The following RIMS2 variants were observed in gnomAD, a reference collection of about 807,000 sequenced individuals.
RIMS2 encodes regulating synaptic membrane exocytosis 2.
In RIMS2, 59 loss-of-function variants were observed where a neutral mutation model predicts 174.4. The observed-to-expected ratio is 0.34, with a 90% CI of 0.27 to 0.42. The LOEUF (loss-of-function observed/expected upper bound fraction) is 0.42. Among genes scored for constraint, RIMS2 ranks in the 10% least tolerant of loss-of-function variants. The probability of loss-of-function intolerance (pLI) is 1.00; values close to 1 mark genes in which losing one functional copy is unlikely to be tolerated. For missense variants in RIMS2, 1,620 were observed against 1,666.3 expected (o/e 0.97, Z 0.48); for synonymous variants, 606 against 572.5 (o/e 1.06, Z -0.84).
chr8:103,618,869 C>G (rs751291633), intron 1 of RIMS2, among the ~76,000 whole-genome samples: 2 of 152,078 alleles, frequency 1.3e-5, no homozygotes, highest in African/African-American at 2.4e-5. Context: ...TATTTTCACT[C>G]GTGGTTGCTA....
rs1160101436 is a variant in RIMS2 at position 103,569,731 on chromosome 8, A to G, written c.176+68669A>G. Among the ~76,000 whole-genome samples, 7 of 151,216 alleles carry G rather than the reference A, an allele frequency of 4.6e-5. No individual in the cohort carries two copies. In the East Asian group the frequency reaches 1.4e-3, roughly 29 times the overall value. ...TCCTGGGCTCAAACAATCTTCCTAC[A>G]TCTGCCTCCTGAGTAGCTAGGACTA... On this transcript the variant is annotated intron_variant, in intron 1 of 23. Coordinates refer to ENST00000504942, the Ensembl canonical transcript of RIMS2.
chr8:103,779,093 T>C (rs1357545697), intron 3 of RIMS2, among the ~76,000 whole-genome samples: 1 of 152,208 alleles, frequency 6.6e-6, no homozygotes, highest in East Asian at 1.9e-4. Flanking sequence ...TAAATTGGAT[T>C]AGTTGGTTTT....
intron 2 of RIMS2, among the ~76,000 whole-genome samples, chr8:103,733,319 T>A (rs2097635080): frequency 6.6e-6 from 1 of 152,000 alleles, no homozygotes; most frequent in Non-Finnish European, 1.5e-5. Context: ...CAAATCCTTT[T>A]TACTCTTCCA....
intron 17 of RIMS2, among the ~76,000 whole-genome samples, chr8:103,990,819 A>C (rs1172468373): frequency 6.6e-6 from 1 of 152,024 alleles, no homozygotes; most frequent in African/African-American, 2.4e-5. Flanking sequence ...GTAAAGTTTT[A>C]TTTTAATGAA....
chr8:103,936,339 A>G (rs1024384957), intron 12 of RIMS2, among the ~76,000 whole-genome samples: 1 of 152,152 alleles, frequency 6.6e-6, no homozygotes, highest in Non-Finnish European at 1.5e-5. Context: ...CATTTATTGA[A>G]ACATTGCTAT....
At chr8:103,653,801 A>G (rs925566139) in intron 1 of RIMS2, among the ~76,000 whole-genome samples, 8 of 152,096 alleles carry the variant, frequency 5.3e-5, no homozygotes, top group Admixed American at 2.0e-4. Flanking sequence ...CTAATAGTTA[A>G]TATGTAGTTC....
At chr8:103,783,742 C>T (rs1329216120) in intron 3 of RIMS2, among the ~76,000 whole-genome samples, 2 of 151,396 alleles carry the variant, frequency 1.3e-5, no homozygotes, top group Non-Finnish European at 2.9e-5. Flanking sequence ...GTGCATGTGT[C>T]TTTATAGCAG....
chr8:103,824,539 C>T (rs916202571), intron 3 of RIMS2, among the ~76,000 whole-genome samples: 3 of 152,102 alleles, frequency 2.0e-5, no homozygotes, highest in Admixed American at 6.6e-5. Flanking sequence ...ACCCATTGCA[C>T]GTTAAAAATT....
chr8:103,875,345 GAGTAAGAACATACA>G (rs1244849154), intron 3 of RIMS2, among the ~76,000 whole-genome samples: 1 of 151,832 alleles, frequency 6.6e-6, no homozygotes, highest in African/African-American at 2.4e-5. Flanking sequence ...TCCCACTTAT[GAGTAAGAACATACA>G]ATATTTGGTT....
At chr8:103,772,137 T>G (rs2098260445) in intron 3 of RIMS2, among the ~76,000 whole-genome samples, 1 of 151,964 alleles carries the variant, frequency 6.6e-6, no homozygotes, top group African/African-American at 2.4e-5. Flanking sequence ...CTGCTTCTAG[T>G]ACAAATGGAA....
intron 2 of RIMS2, among the ~76,000 whole-genome samples, chr8:103,709,502 A>G (rs1590851466): frequency 6.6e-6 from 1 of 152,074 alleles, no homozygotes; most frequent in East Asian, 1.9e-4. Flanking sequence ...ATACTTTTAC[A>G]CATTCTTTGA....
intron 1 of RIMS2, among the ~76,000 whole-genome samples, chr8:103,561,075 C>T (rs907699293): frequency 6.6e-6 from 1 of 152,262 alleles, no homozygotes; most frequent in African/African-American, 2.4e-5. Flanking sequence ...AATAATTGGT[C>T]ATGAGCTTTT....
chr8:104,228,579 A>G (rs2099204482), intron 19 of RIMS2, among the ~76,000 whole-genome samples: 1 of 152,188 alleles, frequency 6.6e-6, no homozygotes. Context: ...AATAATTAAC[A>G]GTATATAGTT....
chr8:103,887,605 AC>A (rs902134402), intron 4 of RIMS2, among the ~76,000 whole-genome samples: 1 of 150,912 alleles, frequency 6.6e-6, no homozygotes, highest in African/African-American at 2.4e-5. Context: ...CCAACCTCCT[AC>A]CCCCAATTTC....
intron 19 of RIMS2, among the ~76,000 whole-genome samples, chr8:104,024,011 G>T (rs1358256076): frequency 6.6e-6 from 1 of 152,174 alleles, no homozygotes; most frequent in Non-Finnish European, 1.5e-5. Flanking sequence ...AGCAGTTTCA[G>T]TGGAGTGATA....
chr8:103,718,481 G>A (rs1336583536), intron 2 of RIMS2, among the ~76,000 whole-genome samples: 1 of 152,136 alleles, frequency 6.6e-6, no homozygotes, highest in African/African-American at 2.4e-5. Context: ...GGCCATGATG[G>A]TAAGATTTGT....
intron 19 of RIMS2, among the ~76,000 whole-genome samples, chr8:104,043,201 G>A (rs1201193135): frequency 4.6e-5 from 7 of 150,764 alleles, no homozygotes. Context: ...AGATGGAAAA[G>A]AAAAAAATGA....
intron 19 of RIMS2, among the ~76,000 whole-genome samples, chr8:104,021,720 C>A (rs192676117): frequency 1.3e-3 from 200 of 152,266 alleles, no homozygotes; most frequent in African/African-American, 4.5e-3. Flanking sequence ...TTCTTATTTC[C>A]TATGATCTTG....
At chr8:103,804,012 T>A (rs1316651901) in intron 3 of RIMS2, among the ~76,000 whole-genome samples, 2 of 152,140 alleles carry the variant, frequency 1.3e-5, no homozygotes, top group African/African-American at 4.8e-5. Context: ...TCCTGACCTA[T>A]GGAAACTGCA....
Sources: allele counts gnomAD v4.1 joint callset (sites outside exome capture counted in the v4.1 genomes callset), GRCh38; gene constraint gnomAD v4.1.1; transcripts MANE v1.5; gene names NCBI Gene and HGNC (gene_info 2026-07-23, HGNC 2026-07-21).